NBAS: variants seen among roughly 807,000 people sequenced by gnomAD.
The protein encoded by NBAS is NBAS subunit of NRZ tethering complex, also known as NAG/BC035112 fusion.
NBAS carries 219 observed loss-of-function variants against 302.5 expected under a neutral mutation model. The ratio of observed to expected loss-of-function variants is 0.72; its 90% confidence interval spans 0.65 to 0.81. The LOEUF is 0.81. NBAS is among the 30% of genes least tolerant of loss of function. NBAS has a pLI of 0.00. For missense variants in NBAS, 2,932 were observed against 2,841.6 expected, an observed-to-expected ratio of 1.03 and a Z score of -0.72; for synonymous variants, 1,118 against 1,021.6, an observed-to-expected ratio of 1.09 and a Z score of -1.80.
intron 30 of NBAS, among the ~76,000 whole-genome samples, chr2:15,375,498 A>G (rs997604867): frequency 2.0e-5 from 3 of 152,304 alleles, no homozygotes; most frequent in African/African-American, 7.2e-5. Flanking sequence ...TATGGCATCC[A>G]TATGACTGAG....
chr2:15,520,806 A>ATCTAT (rs1662632829), intron 9 of NBAS, among the ~76,000 whole-genome samples: 2 of 152,270 alleles, frequency 1.3e-5, no homozygotes, highest in South Asian at 4.1e-4. Context: ...CACAGGCCAA[A>ATCTAT]GTTTGCCAGA....
At chr2:14,855,864 A>C in the NBAS span, among the ~76,000 whole-genome samples, 2 of 152,202 alleles carry the variant, frequency 1.3e-5, no homozygotes, top group Non-Finnish European at 2.9e-5. Flanking sequence ...AAAGGAAAGA[A>C]CACAGGCCTG....
chr2:15,385,641 T>C (rs1026923191), intron 28 of NBAS, among the ~76,000 whole-genome samples: 1 of 152,204 alleles, frequency 6.6e-6, no homozygotes, highest in Non-Finnish European at 1.5e-5. Context: ...GAAATAGTAG[T>C]GTACTCAAGT....
At chr2:15,218,503 A>G (rs1302384884) in intron 48 of NBAS, among the ~76,000 whole-genome samples, 1 of 152,132 alleles carries the variant, frequency 6.6e-6, no homozygotes, top group African/African-American at 2.4e-5. Flanking sequence ...CGACCACTGC[A>G]ATCTCCATCT....
At chr2:14,910,645 G>C in the NBAS span, among the ~76,000 whole-genome samples, 2 of 152,194 alleles carry the variant, frequency 1.3e-5, no homozygotes, top group African/African-American at 4.8e-5. Flanking sequence ...TCATGGTTGG[G>C]CAGATTTGAG....
chr2:14,974,266 A>G, the NBAS span, among the ~76,000 whole-genome samples: 1 of 152,200 alleles, frequency 6.6e-6, no homozygotes, highest in Admixed American at 6.5e-5. Context: ...AAGGAGCTCA[A>G]AAATAAAAAC....
intron 44 of NBAS, among the ~76,000 whole-genome samples, chr2:15,268,709 T>C (rs905783479): frequency 4.6e-5 from 7 of 152,030 alleles, no homozygotes; most frequent in African/African-American, 1.7e-4. Context: ...CAGGGAGTAG[T>C]ATAGGAGGAC....
chr2:15,135,013 A>G, the NBAS span, among the ~76,000 whole-genome samples: 3 of 152,218 alleles, frequency 2.0e-5, no homozygotes, highest in Non-Finnish European at 4.4e-5. Flanking sequence ...AATAGATTTT[A>G]GACCTGAAAA....
At chr2:15,284,519 A>C (rs1236027603) in intron 42 of NBAS, among the ~76,000 whole-genome samples, 1 of 152,226 alleles carries the variant, frequency 6.6e-6, no homozygotes, top group African/African-American at 2.4e-5. Context: ...GTGCTGATGC[A>C]GGTGATACCT....
chr2:15,308,289 G>A lies in NBAS; in HGVS notation c.4724C>T (p.Ala1575Val), dbSNP rs755706575. Residue 1575 changes from alanine (A) to valine (V), a missense_variant, in exon 40 of 52, where the codon GCG becomes GTG. By Grantham distance (64) the Ala-to-Val change is moderately conservative. Transcript: ENST00000281513. ...SPSALSLQLA[A>V]YYYSLQIYAR... The stretch of plus-strand genomic sequence containing the variant: ...ATAGATCTGGAGGCTATAGTAATAC[G>A]CTGCCAGCTGGAGAGATAATGCAGA... 54 of 1,614,036 alleles carry A rather than the reference G, an allele frequency of 3.3e-5. No individual in the cohort carries two copies. Among genetic ancestry groups the A allele is most frequent in the Non-Finnish European group, 4.4e-5 (52 of 1,180,036 alleles).
chr2:14,876,994 T>C, the NBAS span, among the ~76,000 whole-genome samples: 1 of 152,224 alleles, frequency 6.6e-6, no homozygotes, highest in Non-Finnish European at 1.5e-5. Flanking sequence ...CAACTACCAC[T>C]AAGCCTCTCA....
intron 48 of NBAS, among the ~76,000 whole-genome samples, chr2:15,214,964 T>C (rs954228224): frequency 6.6e-6 from 1 of 152,196 alleles, no homozygotes; most frequent in Admixed American, 6.5e-5. Flanking sequence ...ACATGTTCTT[T>C]TTTACATAAA....
chr2:14,986,788 G>T, the NBAS span, among the ~76,000 whole-genome samples: 1 of 152,022 alleles, frequency 6.6e-6, no homozygotes, highest in African/African-American at 2.4e-5. Flanking sequence ...AATCAAATAT[G>T]AAGTTTGCTT....
chr2:15,240,059 T>C (rs931551240), intron 44 of NBAS, among the ~76,000 whole-genome samples: 27 of 152,222 alleles, frequency 1.8e-4, no homozygotes, highest in Non-Finnish European at 1.0e-4. Flanking sequence ...TGTAGTCTTC[T>C]GTCAGCTACT....
At chr2:15,215,178 C>T (rs1453794897) in intron 48 of NBAS, among the ~76,000 whole-genome samples, 1 of 152,158 alleles carries the variant, frequency 6.6e-6, no homozygotes, top group Non-Finnish European at 1.5e-5. Context: ...CCTCCCACCC[C>T]AAGCTGGGGC....
the NBAS span, among the ~76,000 whole-genome samples, chr2:15,117,936 G>A: frequency 1.3e-5 from 2 of 152,174 alleles, no homozygotes; most frequent in Non-Finnish European, 2.9e-5. Context: ...TCAATATTCT[G>A]CCATGCACGC....
At chr2:15,018,368 T>C in the NBAS span, among the ~76,000 whole-genome samples, 2 of 152,130 alleles carry the variant, frequency 1.3e-5, no homozygotes, top group Admixed American at 6.5e-5. Flanking sequence ...CACTGTACCT[T>C]ATATGTGTTG....
the NBAS span, among the ~76,000 whole-genome samples, chr2:15,014,173 A>C: frequency 6.6e-6 from 1 of 152,204 alleles, no homozygotes; most frequent in African/African-American, 2.4e-5. Context: ...TACATCTAAA[A>C]GGAGAGATAG....
At chr2:15,106,501 T>C in the NBAS span, among the ~76,000 whole-genome samples, 1 of 148,866 alleles carries the variant, frequency 6.7e-6, no homozygotes. Context: ...CCCTTTTTCT[T>C]TGGGTTCCAT....
Sources: gnomAD v4.1 joint callset for allele counts (sites outside exome capture counted in the v4.1 genomes callset) on GRCh38, gnomAD v4.1.1 for gene constraint, MANE v1.5 for transcripts, NCBI Gene and HGNC (gene_info 2026-07-23, HGNC 2026-07-21) for gene names.